Variants in CFHR2 observed in about 807,000 individuals in gnomAD.
The protein encoded by CFHR2 is complement factor H-related protein 2.
A neutral mutation model predicts 21.7 loss-of-function variants in CFHR2; 22 were observed. The observed-to-expected ratio is 1.01, with a 90% CI of 0.72 to 1.45. The LOEUF is 1.45. Ranked by LOEUF, CFHR2 falls within the 40% of genes most tolerant of loss-of-function variation. CFHR2 has a pLI of 0.00. For missense variants in CFHR2, 294 were observed against 293.3 expected, an observed-to-expected ratio of 1.00 and a Z score of -0.02; for synonymous variants, 98 against 97.4, an observed-to-expected ratio of 1.01 and a Z score of -0.04.
At chr1:196,957,226 G>A (rs1205006104) in intron 3 of CFHR2, among the ~76,000 whole-genome samples, 1 of 151,942 alleles carries the variant, frequency 6.6e-6, no homozygotes, top group East Asian at 1.9e-4. Flanking sequence ...TCCTATCCAG[G>A]ATACAAAGGA....
chr1:196,954,771 T>C (rs534064575), intron 3 of CFHR2, among the ~76,000 whole-genome samples: 19 of 152,250 alleles, frequency 1.2e-4, no homozygotes, highest in Admixed American at 1.0e-3. Context: ...TCTGAAAAAA[T>C]GACCTGAGCT....
At chr1:196,955,412 T>C (rs2125012674) in intron 3 of CFHR2, among the ~76,000 whole-genome samples, 1 of 152,324 alleles carries the variant, frequency 6.6e-6, no homozygotes, top group South Asian at 2.1e-4. Context: ...CCTAAGCTGT[T>C]CCAACCTCTG....
chr1:196,954,523 C>G (rs1652793172), intron 3 of CFHR2, among the ~76,000 whole-genome samples: 1 of 152,218 alleles, frequency 6.6e-6, no homozygotes, highest in Non-Finnish European at 1.5e-5. Context: ...AGTGGTGACT[C>G]TGTGTGGGGG....
chr1:196,958,961 A>G lies in CFHR2; in HGVS notation c.694A>G (p.Arg232Gly), dbSNP rs887305683. The change falls in exon 5 of 5, where the codon AGA (arginine) becomes GGA (glycine). Residue 232 changes from arginine (R) to glycine (G), a missense_variant. Transcript: ENST00000367415. ...GACAAACCAACAAAAGCTTTATTCAAGAACAGGTGACATAGTTGAATTTGT... is the reference window on the plus strand; with the variant it reads ...GACAAACCAACAAAAGCTTTATTCAGGAACAGGTGACATAGTTGAATTTGT... Reference protein sequence around the residue: ...KWTNQQKLYSRTGDIVEFVCK... With the variant: ...KWTNQQKLYSGTGDIVEFVCK... 8.1e-6 allele frequency: 13 copies of G among 1,608,748 alleles called. No homozygotes were observed. The African/African-American group carries it at 1.5e-4, about 18-fold the overall frequency.
At chr1:196,949,259 A>T (rs1219923227) in intron 1 of CFHR2, among the ~76,000 whole-genome samples, 196 bp from the exon 2 acceptor site, 1 of 152,174 alleles carries the variant, frequency 6.6e-6, no homozygotes, top group Non-Finnish European at 1.5e-5. Flanking sequence ...TTCATTAACA[A>T]TTACCTCCTC....
intron 2 of CFHR2, among the ~76,000 whole-genome samples, chr1:196,950,492 G>A (rs1659684065): frequency 6.6e-6 from 1 of 151,722 alleles, no homozygotes. Context: ...TTTTGTTTTT[G>A]AGACAGAGTC....
intron 1 of CFHR2, 50 bp from the exon 2 acceptor site, chr1:196,949,405 T>G (rs778679320): frequency 6.6e-7 from 1 of 1,521,846 alleles, no homozygotes; most frequent in Admixed American, 1.9e-5. Context: ...TCTAGTGATT[T>G]ATTTATGTAG....
At chr1:196,956,719 A>G (rs764048911) in intron 3 of CFHR2, among the ~76,000 whole-genome samples, 1 of 152,028 alleles carries the variant, frequency 6.6e-6, no homozygotes, top group Non-Finnish European at 1.5e-5. Flanking sequence ...AGCATCATCA[A>G]TTTCAACATC....
chr1:196,951,824 C>T (rs1472427904), intron 3 of CFHR2, among the ~76,000 whole-genome samples: 1 of 152,142 alleles, frequency 6.6e-6, no homozygotes, highest in Non-Finnish European at 1.5e-5. Context: ...TGAGTTCTTG[C>T]TGGGTTCTCC....
intron 4 of CFHR2, among the ~76,000 whole-genome samples, chr1:196,958,296 A>G (rs1402279603): frequency 6.6e-6 from 1 of 151,988 alleles, no homozygotes; most frequent in African/African-American, 2.4e-5. Context: ...ATACATATTT[A>G]TTTTCTACAA....
intron 1 of CFHR2, among the ~76,000 whole-genome samples, chr1:196,947,559 C>T (rs181150500): frequency 5.5e-4 from 84 of 152,222 alleles, no homozygotes; most frequent in African/African-American, 1.6e-3. Flanking sequence ...ATCAGTTTCA[C>T]GTTTCACAAA....
At chr1:196,953,352 G>T (rs1652726457) in intron 3 of CFHR2, among the ~76,000 whole-genome samples, 1 of 152,000 alleles carries the variant, frequency 6.6e-6, no homozygotes, top group African/African-American at 2.4e-5. Context: ...GTGGGATCTT[G>T]GCTCCCTGCA....
In CFHR2 at chr1:196,949,372, T is replaced by G. The variant is rs560388146; in HGVS notation, c.59-83T>G. On this transcript the variant is annotated intron_variant, in intron 1 of 4. Coordinates refer to ENST00000367415, the MANE Select transcript of CFHR2 (RefSeq NM_005666.4). Reference sequence around the variant, plus strand: ...TTTAAGCTAAATGAAAGAAAAAAACTAAATGAGATGATTAAAATATAGTCT... The same window carrying G: ...TTTAAGCTAAATGAAAGAAAAAAACGAAATGAGATGATTAAAATATAGTCT... 1.6e-3 allele frequency: 2,180 copies of G among 1,362,078 alleles called. 5 individuals carry two copies. Among genetic ancestry groups the G allele is most frequent in the Middle Eastern group, 3.4e-3 (18 of 5,320 alleles). 84.4% of individuals were successfully genotyped at this position (1,362,078 alleles called of 1,614,324 possible).
intron 3 of CFHR2, among the ~76,000 whole-genome samples, chr1:196,954,748 G>A (rs1316007380): frequency 2.0e-5 from 3 of 152,210 alleles, no homozygotes; most frequent in African/African-American, 7.2e-5. Flanking sequence ...GCCAAAGTTC[G>A]AGGTTTGCAC....
At chr1:196,951,243 T>C (rs1659716091) in intron 3 of CFHR2, among the ~76,000 whole-genome samples, 1 of 152,190 alleles carries the variant, frequency 6.6e-6, no homozygotes, top group African/African-American at 2.4e-5. Flanking sequence ...AGTAAAAATA[T>C]TAGACAAGAA....
intron 3 of CFHR2, among the ~76,000 whole-genome samples, chr1:196,952,054 G>A (rs571417665): frequency 4.6e-5 from 7 of 152,242 alleles, no homozygotes; most frequent in East Asian, 1.9e-4. Flanking sequence ...AATAGAATCC[G>A]TGGTATGCCT....
chr1:196,949,446 T>C lies in CFHR2; in HGVS notation c.59-9T>C, dbSNP rs764731770. ...TATGTAATTCTTCAGTTTTGTGTTA[T>C]TTTCCCAGCAATGTTCTGTGATTTT... is the stretch of plus-strand genomic sequence containing the variant. On this transcript the variant is annotated splice_polypyrimidine_tract_variant and intron_variant, in intron 1 of 4. Coordinates refer to ENST00000367415, the MANE Select transcript of CFHR2 (RefSeq NM_005666.4). The C allele has an allele frequency of 6.2e-7, 1 of 1,606,552 alleles. No individual in the cohort carries two copies. Among genetic ancestry groups the C allele is most frequent in the Non-Finnish European group, 8.5e-7 (1 of 1,174,872 alleles).
chr1:196,957,803 T>G, intron 3 of CFHR2, 88 bp from the exon 4 acceptor site: 1 of 1,156,960 alleles, frequency 8.6e-7, no homozygotes. Flanking sequence ...AAAGCCCTGA[T>G]AGACTATAAA....
At chr1:196,944,744 T>G (rs2125000500) in intron 1 of CFHR2, among the ~76,000 whole-genome samples, 1 of 152,076 alleles carries the variant, frequency 6.6e-6, no homozygotes, top group South Asian at 2.1e-4. Flanking sequence ...TTTCCTAATG[T>G]TTCCAGACCT....
Sources: allele counts gnomAD v4.1 joint callset (sites outside exome capture counted in the v4.1 genomes callset), GRCh38; gene constraint gnomAD v4.1.1; transcripts MANE v1.5; gene names NCBI Gene and HGNC (gene_info 2026-07-23, HGNC 2026-07-21).